The following VTA1 variants were observed in gnomAD, a reference collection of about 807,000 sequenced individuals.
VTA1 encodes the protein vesicle trafficking 1, also known as vacuolar protein sorting-associated protein VTA1 homolog.
Under a neutral mutation model 36.9 loss-of-function variants are expected in VTA1, and 24 were observed. The ratio of observed to expected loss-of-function variants is 0.65; its 90% CI spans 0.47 to 0.91. The LOEUF is 0.91. VTA1 is among the 40% of genes least tolerant of loss of function. The pLI is 0.00. For synonymous variants in VTA1, 142 were observed against 130.2 expected (o/e 1.09, Z -0.62); for missense variants, 393 against 377.2 (o/e 1.04, Z -0.35).
chr6:142,192,504 T>C (rs920935907), intron 5 of VTA1, among the ~76,000 whole-genome samples: 9 of 151,800 alleles, frequency 5.9e-5, no homozygotes, highest in East Asian at 5.8e-4. Flanking sequence ...TATGGTAAAT[T>C]TGTTTTGATA....
At position 142,218,652 on chromosome 6, in the gene VTA1, T is replaced by G. The variant is rs751356246; in HGVS notation, c.*9T>G. On this transcript the variant is annotated 3_prime_UTR_variant, in exon 8 of 8. Transcript: ENST00000367630. ...CGACAGGCAGAGAATGAAGCCTTTG[T>G]ATGACAGACCCATGTATTTTTGGCA... The G allele has an allele frequency of 6.2e-7, 1 of 1,603,958 alleles. No homozygotes were observed. The highest frequency in any genetic ancestry group is 1.1e-5 in the South Asian group (1 of 88,678).
intron 1 of VTA1, among the ~76,000 whole-genome samples, chr6:142,164,138 G>T (rs1199404355): frequency 6.6e-6 from 1 of 152,042 alleles, no homozygotes; most frequent in Non-Finnish European, 1.5e-5. Flanking sequence ...TAAGAGAAAA[G>T]ATACCTAATA....
chr6:142,166,197 A>G (rs779608507), intron 1 of VTA1, 31 bp from the exon 2 acceptor site: 1 of 1,473,734 alleles, frequency 6.8e-7, no homozygotes, highest in South Asian at 1.2e-5. Flanking sequence ...TAAAAATGAA[A>G]TTGTTCAAAT....
intron 1 of VTA1, among the ~76,000 whole-genome samples, chr6:142,153,921 A>G (rs1024862848): frequency 1.3e-4 from 20 of 152,236 alleles, no homozygotes; most frequent in African/African-American, 4.8e-4. Flanking sequence ...ATGTCCCCCA[A>G]TGATAATATC....
chr6:142,201,984 G>T (rs1346848846), intron 6 of VTA1, among the ~76,000 whole-genome samples: 1 of 151,850 alleles, frequency 6.6e-6, no homozygotes, highest in African/African-American at 2.4e-5. Flanking sequence ...AAATTACTTA[G>T]CAATGAATGA....
intron 7 of VTA1, among the ~76,000 whole-genome samples, chr6:142,214,594 A>G (rs1351140330): frequency 1.3e-5 from 2 of 152,226 alleles, no homozygotes; most frequent in Non-Finnish European, 2.9e-5. Flanking sequence ...AATCCAAACC[A>G]TATCACACTG....
At chr6:142,160,157 G>A (rs1357069925) in intron 1 of VTA1, among the ~76,000 whole-genome samples, 1 of 152,130 alleles carries the variant, frequency 6.6e-6, no homozygotes, top group Non-Finnish European at 1.5e-5. Flanking sequence ...ATTCTTTTGT[G>A]TATTGTTTTT....
chr6:142,191,185 A>G (rs1157225768), intron 5 of VTA1, among the ~76,000 whole-genome samples: 1 of 152,086 alleles, frequency 6.6e-6, no homozygotes, highest in Non-Finnish European at 1.5e-5. Flanking sequence ...TATACTCAGA[A>G]TATTTCTAGT....
intron 5 of VTA1, among the ~76,000 whole-genome samples, chr6:142,194,452 T>C (rs1029264778): frequency 5.9e-5 from 9 of 152,164 alleles, no homozygotes; most frequent in African/African-American, 2.2e-4. Flanking sequence ...TTTTAGATTT[T>C]TTGAAGTAGA....
At chr6:142,191,839 T>C (rs886975511) in intron 5 of VTA1, among the ~76,000 whole-genome samples, 1 of 152,098 alleles carries the variant, frequency 6.6e-6, no homozygotes, top group Non-Finnish European at 1.5e-5. Flanking sequence ...CTTTAAGACT[T>C]TGATTTGTTT....
At position 142,219,801 on chromosome 6, in the gene VTA1, C is replaced by T. The variant is rs1776071278; in HGVS notation, c.*1158C>T. 6.6e-6 allele frequency: 1 copy of T among 152,134 alleles called. No homozygotes were observed. Among genetic ancestry groups the T allele is most frequent in the Admixed American group, 6.5e-5 (1 of 15,276 alleles). The allele number at this position is 152,134 out of a possible 1,614,324, so 9.4% of individuals were successfully genotyped here. A position where few individuals can be genotyped will look rare whatever the true frequency, so the allele number is the denominator to read the frequency against. ...TGCTACTAAGATGGGAATCTTTAAA[C>T]ACAAGGGTCAGCAAGCTTTGGCCCA... On this transcript the variant is annotated 3_prime_UTR_variant, in exon 8 of 8. Transcript: ENST00000367630.
At chr6:142,210,878 G>A (rs535542915) in intron 7 of VTA1, among the ~76,000 whole-genome samples, 9 of 151,842 alleles carry the variant, frequency 5.9e-5, no homozygotes, top group Non-Finnish European at 8.8e-5. Flanking sequence ...CATGTTTATC[G>A]CAGCACTATT....
chr6:142,178,117 A>G (rs1775159153), intron 4 of VTA1, among the ~76,000 whole-genome samples: 1 of 152,188 alleles, frequency 6.6e-6, no homozygotes, highest in Admixed American at 6.5e-5. Context: ...AAAGGAAATC[A>G]CACCTAGAAA....
At chr6:142,208,018 C>T (rs748651464) in intron 7 of VTA1, among the ~76,000 whole-genome samples, 13 of 139,820 alleles carry the variant, frequency 9.3e-5, no homozygotes, top group Non-Finnish European at 1.7e-4. Context: ...ACCTGGGAGG[C>T]GGAGAGTGCA....
chr6:142,200,446 G>A (rs1197403952), intron 6 of VTA1, among the ~76,000 whole-genome samples: 1 of 151,884 alleles, frequency 6.6e-6, no homozygotes, highest in Non-Finnish European at 1.5e-5. Context: ...TGTCCAAGGA[G>A]TTTTGTTTTA....
intron 1 of VTA1, among the ~76,000 whole-genome samples, chr6:142,153,556 T>A (rs1778607427): frequency 6.6e-6 from 1 of 152,118 alleles, no homozygotes. Flanking sequence ...AATTTTCTAG[T>A]GTTTTATCAC....
At chr6:142,204,886 A>T (rs1219956495) in intron 7 of VTA1, among the ~76,000 whole-genome samples, 3 of 150,064 alleles carry the variant, frequency 2.0e-5, no homozygotes, top group African/African-American at 7.6e-5. Flanking sequence ...CACCACACCC[A>T]GCAAATTTTT....
chr6:142,198,466 C>T lies in VTA1; in HGVS notation c.548C>T (p.Ala183Val). 2 of 1,614,006 alleles carry T rather than the reference C, an allele frequency of 1.2e-6. No homozygotes were observed. The highest frequency in any genetic ancestry group is 1.1e-5 in the South Asian group (1 of 91,072). The change falls in exon 6 of 8, where the codon GCA (alanine) becomes GTA (valine). Residue 183 changes from alanine (A) to valine (V), a missense_variant. Transcript: ENST00000367630. Reference protein sequence around the residue: ...NDIEENEDAGAASLPTQPTQP... With the variant: ...NDIEENEDAGVASLPTQPTQP... ...ATTGAAGAAAATGAAGATGCTGGAG[C>T]AGCCTCTCTGCCCACTCAGCCAACT...
chr6:142,182,890 T>C (rs1775269338), intron 4 of VTA1, among the ~76,000 whole-genome samples: 1 of 152,000 alleles, frequency 6.6e-6, no homozygotes, highest in African/African-American at 2.4e-5. Flanking sequence ...GATCATCAAG[T>C]GTAGAAAGAA....
Sources: gnomAD v4.1 joint callset for allele counts (sites outside exome capture counted in the v4.1 genomes callset) on GRCh38, gnomAD v4.1.1 for gene constraint, MANE v1.5 for transcripts, NCBI Gene and HGNC (gene_info 2026-07-23, HGNC 2026-07-21) for gene names.